Variants in BCAP29 observed in about 807,000 individuals in gnomAD.
BCAP29 encodes B-cell receptor-associated protein 29.
Under a neutral mutation model 31.8 loss-of-function variants are expected in BCAP29, and 34 were observed. The observed-to-expected ratio is 1.07, with a 90% CI of 0.81 to 1.42. The LOEUF is 1.42. Among genes scored for constraint, BCAP29 ranks in the 40% most tolerant of loss-of-function variants. The pLI, the probability that BCAP29 is intolerant of heterozygous loss-of-function variation, is 0.00. For synonymous variants in BCAP29, 104 were observed against 91.3 expected (o/e 1.14, Z -0.79); for missense variants, 314 against 269.2 (o/e 1.17, Z -1.16).
chr7:107,622,950 T>A (rs908370295), downstream of BCAP29: 3 of 152,226 alleles, frequency 2.0e-5, no homozygotes, highest in Non-Finnish European at 4.4e-5. Flanking sequence ...TATTTTTTTT[T>A]ATAAACAGCT....
At chr7:107,611,961 A>G in intron 6 of BCAP29, among the ~76,000 whole-genome samples, 1 of 152,200 alleles carries the variant, frequency 6.6e-6, no homozygotes, top group East Asian at 1.9e-4. Context: ...CCGTATTGAC[A>G]ACGCAGATGT....
chr7:107,606,469 C>T (rs1812119978), intron 6 of BCAP29, among the ~76,000 whole-genome samples: 1 of 152,182 alleles, frequency 6.6e-6, no homozygotes, highest in Admixed American at 6.5e-5. Flanking sequence ...GGTGATTAAG[C>T]CACATTCTTC....
chr7:107,611,861 A>G (rs1010294111), intron 6 of BCAP29, among the ~76,000 whole-genome samples: 9 of 152,228 alleles, frequency 5.9e-5, no homozygotes, highest in Admixed American at 5.2e-4. Context: ...GTGGCTGTTT[A>G]AATTTAATTG....
chr7:107,612,801 G>A (rs1813470586), intron 6 of BCAP29, among the ~76,000 whole-genome samples: 2 of 152,010 alleles, frequency 1.3e-5, no homozygotes, highest in South Asian at 4.1e-4. Flanking sequence ...AAAGTGGCCT[G>A]TATTCTTTAA....
At position 107,597,811 on chromosome 7, in the gene BCAP29, A is replaced by G. The variant is rs376484119; in HGVS notation, c.480+1809A>G. ...ATAGAACAATTTCCACGTGGTACCT[A>G]TGACCACTTTCTGTTCTGATATTCA... is the stretch of plus-strand genomic sequence containing the variant. On this transcript the variant is annotated intron_variant, in intron 5 of 7. Coordinates refer to ENST00000005259, the MANE Select transcript of BCAP29 (RefSeq NM_018844.4). Among the ~76,000 whole-genome samples the G allele has an allele frequency of 2.0e-5, 3 of 152,304 alleles. No individual in the cohort carries two copies. In the East Asian group the frequency reaches 5.8e-4, roughly 29 times the overall value.
chr7:107,599,172 TATATTAAAA>T (rs1810488597), intron 5 of BCAP29, among the ~76,000 whole-genome samples: 5 of 110,414 alleles, frequency 4.5e-5, no homozygotes, highest in Non-Finnish European at 9.0e-5. Flanking sequence ...AATATATAAA[TATATTAAAA>T]TTTATATGTA....
chr7:107,620,154 G>A lies in BCAP29; in HGVS notation c.*1791G>A, dbSNP rs1814803811. ...GACCTCAACCCTCTCAAGTTTACAA[G>A]TCTGAAACTTTAGACATCAAAAGTT... is the stretch of plus-strand genomic sequence containing the variant. On this transcript the variant is annotated 3_prime_UTR_variant, in exon 8 of 8. Coordinates refer to ENST00000005259, the MANE Select transcript of BCAP29 (RefSeq NM_018844.4). 1.3e-5 allele frequency: 2 copies of A among 152,178 alleles called. No individual in the cohort carries two copies. Among genetic ancestry groups the A allele is most frequent in the African/African-American group, 2.4e-5 (1 of 41,454 alleles). 9.4% of individuals were successfully genotyped at this position (152,178 alleles called of 1,614,324 possible). A position where few individuals can be genotyped will look rare whatever the true frequency, so the allele number is the denominator to read the frequency against.
intron 7 of BCAP29, among the ~76,000 whole-genome samples, chr7:107,614,607 C>T (rs1813794190): frequency 6.6e-6 from 1 of 152,238 alleles, no homozygotes; most frequent in Non-Finnish European, 1.5e-5. Flanking sequence ...CAACCAACCA[C>T]TTTGGCCTTG....
chr7:107,598,273 G>T (rs1810210945), intron 5 of BCAP29, among the ~76,000 whole-genome samples: 1 of 152,172 alleles, frequency 6.6e-6, no homozygotes, highest in Non-Finnish European at 1.5e-5. Context: ...CTTGAAGTAG[G>T]CAACACATTA....
At position 107,586,190 on chromosome 7, in the gene BCAP29, T is replaced by G. The variant is rs116223912; in HGVS notation, c.193+2208T>G. 4.4e-3 allele frequency among the ~76,000 whole-genome samples: 677 copies of G among 152,322 alleles called. 8 individuals carry two copies. The highest frequency in any genetic ancestry group is 0.015 in the African/African-American group (639 of 41,544). Reference sequence around the variant, plus strand: ...CTTCATTCTTTTTTATTATGGACTCTGATATTCTGTCTATCTCCAAGGCAG... The same window carrying G: ...CTTCATTCTTTTTTATTATGGACTCGGATATTCTGTCTATCTCCAAGGCAG... On this transcript the variant is annotated intron_variant, in intron 3 of 7. Transcript: ENST00000005259.
chr7:107,608,894 C>T (rs1402498325), intron 6 of BCAP29, among the ~76,000 whole-genome samples: 1 of 152,150 alleles, frequency 6.6e-6, no homozygotes, highest in Non-Finnish European at 1.5e-5. Context: ...TTTATTCATT[C>T]TTTCATTCCT....
At chr7:107,586,982 C>T (rs965112374) in intron 3 of BCAP29, among the ~76,000 whole-genome samples, 1 of 152,044 alleles carries the variant, frequency 6.6e-6, no homozygotes, top group Non-Finnish European at 1.5e-5. Flanking sequence ...CCGCCCACTT[C>T]GGCTTCCCAA....
rs1228226603 is a variant in BCAP29 at position 107,618,359 on chromosome 7, T to G, written c.722T>G (p.Leu241Arg). The G allele has an allele frequency of 6.2e-7, 1 of 1,606,370 alleles. No individual in the cohort carries two copies. Among genetic ancestry groups the G allele is most frequent in the Non-Finnish European group, 8.5e-7 (1 of 1,175,496 alleles). ...TTAGAAAGAGGCAACAAGAAAAGAC[T>G]GTGAACTTTATAAAAGACACTTGCA... ...DRLERGNKKR[L>R] Residue 241 changes from leucine to arginine, a missense_variant, in exon 8 of 8, where the codon CTG (leucine) becomes CGG (arginine). Transcript: ENST00000005259.
At chr7:107,599,194 TAA>T in intron 5 of BCAP29, among the ~76,000 whole-genome samples, 1 of 30,190 alleles carries the variant, frequency 3.3e-5, no homozygotes, top group South Asian at 1.1e-3. Context: ...TATATGTATA[TAA>T]ATACATATTT....
downstream of BCAP29, chr7:107,622,424 T>C (rs576590492): frequency 6.5e-6 from 1 of 154,108 alleles, no homozygotes; most frequent in South Asian, 2.0e-4. Context: ...TGTTGTTCTT[T>C]CCCTAGGATA....
chr7:107,593,860 A>T, intron 3 of BCAP29, 95 bp from the exon 4 acceptor site: 1 of 1,275,834 alleles, frequency 7.8e-7, no homozygotes, highest in Non-Finnish European at 1.1e-6. Flanking sequence ...TCCATTATTT[A>T]AAAGTTTGGT....
downstream of BCAP29, chr7:107,621,775 C>T: frequency 2.1e-6 from 1 of 475,982 alleles, no homozygotes; most frequent in Non-Finnish European, 4.4e-6. Context: ...CCCAGAGCCT[C>T]TTCCAGCAGG....
rs1187454891 is a variant in BCAP29 at position 107,619,076 on chromosome 7, T to C, written c.*713T>C. 5.9e-5 allele frequency: 9 copies of C among 152,750 alleles called. No homozygotes were observed. Among genetic ancestry groups the C allele is most frequent in the Admixed American group, 5.9e-4 (9 of 15,294 alleles). The allele number at this position is 152,750 out of a possible 1,614,324, so 9.5% of individuals were successfully genotyped here. A position where few individuals can be genotyped will look rare whatever the true frequency, so the allele number is the denominator to read the frequency against. Reference sequence around the variant, plus strand: ...AGCTTACATATATTTGTATAACTGCTATACCACTGAACTGAATTTATTTTA... The same window carrying C: ...AGCTTACATATATTTGTATAACTGCCATACCACTGAACTGAATTTATTTTA... On this transcript the variant is annotated 3_prime_UTR_variant, in exon 8 of 8. Transcript: ENST00000005259.
At chr7:107,584,421 A>C (rs1392738417) in intron 3 of BCAP29, among the ~76,000 whole-genome samples, 1 of 152,254 alleles carries the variant, frequency 6.6e-6, no homozygotes, top group Non-Finnish European at 1.5e-5. Flanking sequence ...ATTAAAAAAT[A>C]AACATGGCCG....
Sources: allele counts gnomAD v4.1 joint callset (sites outside exome capture counted in the v4.1 genomes callset), GRCh38; gene constraint gnomAD v4.1.1; transcripts MANE v1.5; gene names NCBI Gene and HGNC (gene_info 2026-07-23, HGNC 2026-07-21).